Variants in PVT1 observed in about 807,000 individuals in gnomAD.
PVT1 encodes CXCR4/PVT1 fusion.
chr8:128,055,616 T>C (rs1472787606), intron 4 of PVT1, among the ~76,000 whole-genome samples: 1 of 152,244 alleles, frequency 6.6e-6, no homozygotes, highest in Non-Finnish European at 1.5e-5. Context: ...AAACAACTTA[T>C]TTTTCTCATA....
intron 4 of PVT1, among the ~76,000 whole-genome samples, chr8:128,058,190 TC>T (rs1055386519): frequency 6.6e-6 from 1 of 152,214 alleles, no homozygotes; most frequent in African/African-American, 2.4e-5. Flanking sequence ...GATGGATCCT[TC>T]CTAAGGATGT....
At chr8:127,811,802 C>T (rs1016512774) in intron 2 of PVT1, among the ~76,000 whole-genome samples, 37 of 152,172 alleles carry the variant, frequency 2.4e-4, no homozygotes, top group African/African-American at 8.4e-4. Flanking sequence ...AACATGGGGT[C>T]GGCTGTTATT....
chr8:127,972,735 T>A (rs774265337), intron 3 of PVT1, among the ~76,000 whole-genome samples: 4 of 151,888 alleles, frequency 2.6e-5, no homozygotes, highest in Non-Finnish European at 5.9e-5. Flanking sequence ...CAAGACTCTG[T>A]CTCAAAAAAA....
intron 4 of PVT1, among the ~76,000 whole-genome samples, chr8:128,004,111 A>G (rs1817218590): frequency 6.6e-6 from 1 of 152,168 alleles, no homozygotes; most frequent in Non-Finnish European, 1.5e-5. Flanking sequence ...CAACCTCCAT[A>G]AGGTTTCTAT....
At chr8:128,008,045 C>A (rs992103932) in intron 4 of PVT1, among the ~76,000 whole-genome samples, 2 of 152,206 alleles carry the variant, frequency 1.3e-5, no homozygotes, top group African/African-American at 4.8e-5. Flanking sequence ...AAGATTGTAT[C>A]ATTTTGGTCT....
chr8:128,087,157 C>T (rs1223842553), intron 5 of PVT1, among the ~76,000 whole-genome samples: 2 of 152,104 alleles, frequency 1.3e-5, no homozygotes, highest in Non-Finnish European at 2.9e-5. Flanking sequence ...CCCTTTTTCA[C>T]AGATGAGGAA....
At chr8:127,794,887 A>T (rs1814376135) in intron 1 of PVT1, among the ~76,000 whole-genome samples, 1 of 149,784 alleles carries the variant, frequency 6.7e-6, no homozygotes, top group African/African-American at 2.5e-5. Flanking sequence ...CAGCCTCAAG[A>T]CTGGTGGCGA....
chr8:127,804,622 C>A (rs1814505228), intron 2 of PVT1, among the ~76,000 whole-genome samples: 1 of 146,590 alleles, frequency 6.8e-6, no homozygotes, highest in African/African-American at 2.6e-5. Context: ...CTCACTGCAA[C>A]CTCTACCTCC....
intron 3 of PVT1, among the ~76,000 whole-genome samples, chr8:127,977,482 A>G (rs1350864246): frequency 1.3e-5 from 2 of 152,222 alleles, no homozygotes; most frequent in African/African-American, 4.8e-5. Flanking sequence ...CTGTAATCCC[A>G]GCACTTTTGG....
At chr8:128,066,652 C>G (rs982229948) in intron 4 of PVT1, among the ~76,000 whole-genome samples, 1 of 152,198 alleles carries the variant, frequency 6.6e-6, no homozygotes, top group Non-Finnish European at 1.5e-5. Flanking sequence ...AAAGTGGGCT[C>G]TAATGACTTG....
At chr8:127,974,281 G>A (rs1268796616) in intron 3 of PVT1, among the ~76,000 whole-genome samples, 1 of 152,148 alleles carries the variant, frequency 6.6e-6, no homozygotes, top group Non-Finnish European at 1.5e-5. Context: ...TTGACTTGAT[G>A]CTCAAATGCC....
At position 127,905,208 on chromosome 8, in the gene PVT1, TTTGGGGGATGCAACA is replaced by T. The variant is rs1815804990; in HGVS notation, n.782+14218_782+14232del. 2.0e-5 allele frequency among the ~76,000 whole-genome samples: 3 copies of T among 152,220 alleles called. No homozygotes were observed. In the South Asian group the frequency reaches 6.2e-4, roughly 32 times the overall value. Reference sequence around the variant, plus strand: ...CTGTGACTTGATGACTTAATGTGATTTTGGGGGATGCAACATTGGGGGTGATGCTTTAGCATGCCT... The same window carrying T: ...CTGTGACTTGATGACTTAATGTGATTTTGGGGGTGATGCTTTAGCATGCCT... On this transcript the variant is annotated intron_variant and non_coding_transcript_variant, in intron 3 of 10. Coordinates refer to ENST00000651587, the Ensembl canonical transcript of PVT1.
chr8:127,850,826 C>T (rs1230092118), intron 2 of PVT1, among the ~76,000 whole-genome samples: 2 of 152,012 alleles, frequency 1.3e-5, no homozygotes, highest in Non-Finnish European at 2.9e-5. Context: ...CAAGACCAGC[C>T]TGGCCAACAT....
At chr8:127,901,989 C>A (rs886619318) in intron 3 of PVT1, among the ~76,000 whole-genome samples, 1 of 151,898 alleles carries the variant, frequency 6.6e-6, no homozygotes, top group Non-Finnish European at 1.5e-5. Flanking sequence ...TATGAAATAA[C>A]CTTTTTACTT....
At chr8:128,093,250 C>A (rs1054740718) in intron 5 of PVT1, among the ~76,000 whole-genome samples, 1 of 152,218 alleles carries the variant, frequency 6.6e-6, no homozygotes, top group African/African-American at 2.4e-5. Context: ...AAATAACCAA[C>A]CCTCTTAAGA....
intron 2 of PVT1, among the ~76,000 whole-genome samples, chr8:127,889,670 T>A (rs542737305): frequency 6.6e-6 from 1 of 152,268 alleles, no homozygotes; most frequent in Admixed American, 6.5e-5. Context: ...GAGCGGCGGA[T>A]CAGGGCACAG....
chr8:127,876,866 A>G (rs73357004), intron 2 of PVT1, among the ~76,000 whole-genome samples: 1,738 of 152,282 alleles, frequency 0.011, 39 homozygotes, highest in African/African-American at 0.04. Context: ...CTTACCCAGA[A>G]TCCTTGGGCA....
At chr8:128,030,799 G>A (rs6470600) in intron 4 of PVT1, among the ~76,000 whole-genome samples, 21,939 of 152,136 alleles carry the variant, frequency 0.14, 3,580 homozygotes, top group African/African-American at 0.4. Flanking sequence ...AGCATTGAAC[G>A]TGTCTTTCCA....
At chr8:128,020,762 T>C (rs933273280) in intron 4 of PVT1, among the ~76,000 whole-genome samples, 1 of 152,184 alleles carries the variant, frequency 6.6e-6, no homozygotes, top group Non-Finnish European at 1.5e-5. Flanking sequence ...TTGTAGTAAT[T>C]TGTTATAGTG....
Sources: gnomAD v4.1 joint callset for allele counts (sites outside exome capture counted in the v4.1 genomes callset) on GRCh38, gnomAD v4.1.1 for gene constraint, MANE v1.5 for transcripts, NCBI Gene and HGNC (gene_info 2026-07-23, HGNC 2026-07-21) for gene names.